Variants in ENTPD4 observed in about 807,000 individuals in gnomAD.
The protein encoded by ENTPD4 is Golgi UDPase.
In ENTPD4, 60 loss-of-function variants were observed where a neutral mutation model predicts 79.1. That is an observed-to-expected ratio of 0.76 (90% CI 0.62 to 0.94). ENTPD4 has a LOEUF of 0.94. Ranked by LOEUF, ENTPD4 falls within the 40% of genes least tolerant of loss-of-function variation. The pLI is 0.00. For synonymous variants in ENTPD4, 276 were observed against 292.0 expected (o/e 0.95, Z 0.56); for missense variants, 772 against 775.1 (o/e 1.00, Z 0.05).
At chr8:23,454,001 G>C (rs915943605) in intron 1 of ENTPD4, among the ~76,000 whole-genome samples, 1 of 152,172 alleles carries the variant, frequency 6.6e-6, no homozygotes, top group Non-Finnish European at 1.5e-5. Flanking sequence ...CCCCATGCAT[G>C]GGGGGATAAA....
rs776311384 is a variant in ENTPD4, at chr8:23,449,922, C to T, written c.-22G>A. On this transcript the variant is annotated 5_prime_UTR_variant, in exon 2 of 13. Coordinates refer to ENST00000358689, the MANE Select transcript of ENTPD4 (RefSeq NM_004901.5). ...CCATACTGAAAGGTCAGCAACAAGGCAATGCTCTGGGATTCAGTCCTTCTC... is the reference window on the plus strand; with the variant it reads ...CCATACTGAAAGGTCAGCAACAAGGTAATGCTCTGGGATTCAGTCCTTCTC... 6 of 1,614,058 alleles carry T rather than the reference C, an allele frequency of 3.7e-6. No homozygotes were observed. The highest frequency in any genetic ancestry group is 1.6e-4 in the Middle Eastern group (1 of 6,062).
At position 23,437,101 on chromosome 8, in the gene ENTPD4, T is replaced by C. The variant is rs1264240013; in HGVS notation, c.1207A>G (p.Met403Val). Reference sequence around the variant, plus strand: ...GTCTGGGTCTCGTTTGTTTTATTCATGAAAGGCTGGATAGTCTCTCGACAC... The same window carrying C: ...GTCTGGGTCTCGTTTGTTTTATTCACGAAAGGCTGGATAGTCTCTCGACAC... ...DLCRETIQPF[M>V]NKTNETQTSL... Residue 403 changes from methionine (M) to valine (V), a missense_variant, in exon 10 of 13, where the codon ATG (methionine) becomes GTG (valine). Met to Val is a conservative substitution (Grantham distance 21). Transcript: ENST00000358689. 1.2e-6 allele frequency: 2 copies of C among 1,614,238 alleles called. No individual in the cohort carries two copies. Among genetic ancestry groups the C allele is most frequent in the Admixed American group, 3.3e-5 (2 of 60,036 alleles).
Position 23,452,048 on chromosome 8 carries a change from T to C in ENTPD4, c.-97-2051A>G, listed in dbSNP as rs1019044660. ...CAGATACTATTATCACAACACTTTA[T>C]GGATGAGGCAGAGAGGCTAAGTAAC... On this transcript the variant is annotated intron_variant, in intron 1 of 12. Coordinates refer to ENST00000358689, the MANE Select transcript of ENTPD4 (RefSeq NM_004901.5). Among the ~76,000 whole-genome samples, 17 of 152,364 alleles carry C rather than the reference T, an allele frequency of 1.1e-4. 1 individual carries two copies. The highest frequency in any genetic ancestry group is 3.6e-4 in the African/African-American group (15 of 41,582).
In ENTPD4 at chr8:23,432,412, G is replaced by A. The variant is rs936945732; in HGVS notation, c.*514C>T. On this transcript the variant is annotated 3_prime_UTR_variant, in exon 13 of 13. Coordinates refer to ENST00000358689, the MANE Select transcript of ENTPD4 (RefSeq NM_004901.5). ...AGATATCCTGTGCAGCAAAAATCAA[G>A]TGAATTTCCCTCTTCCCCACTCCTC... The A allele has an allele frequency of 1.8e-5, 18 of 985,564 alleles. No homozygotes were observed. The highest frequency in any genetic ancestry group is 1.9e-5 in the Non-Finnish European group (16 of 830,200). 61.1% of individuals were successfully genotyped at this position (985,564 alleles called of 1,614,324 possible).
chr8:23,430,215 C>T lies in ENTPD4; in HGVS notation c.*2711G>A. ...GAGACCTTCTCTGGAATGTGATTTG[C>T]TGCGACTGCAGACATCTCCATACGG... On this transcript the variant is annotated 3_prime_UTR_variant, in exon 13 of 13. Coordinates refer to ENST00000358689, the MANE Select transcript of ENTPD4 (RefSeq NM_004901.5). 1 of 985,466 alleles carries T rather than the reference C, an allele frequency of 1.0e-6. No homozygotes were observed. The highest frequency in any genetic ancestry group is 4.7e-5 in the South Asian group (1 of 21,292). The allele number at this position is 985,466 out of a possible 1,614,324, so 61.0% of individuals were successfully genotyped here. A position where few individuals can be genotyped will look rare whatever the true frequency, so the allele number is the denominator to read the frequency against.
Position 23,430,739 on chromosome 8 carries a change from G to C in ENTPD4, c.*2187C>G. 1 of 985,510 alleles carries C rather than the reference G, an allele frequency of 1.0e-6. No homozygotes were observed. Among genetic ancestry groups the C allele is most frequent in the East Asian group, 1.1e-4 (1 of 8,812 alleles). The allele number at this position is 985,510 out of a possible 1,614,324, so 61.0% of individuals were successfully genotyped here. A position where few individuals can be genotyped will look rare whatever the true frequency, so the allele number is the denominator to read the frequency against. Reference sequence around the variant, plus strand: ...AAGGCGGGGTCCCCTAACTCCCTGGGTGCCCACCTGCCCACTTCAACCATT... The same window carrying C: ...AAGGCGGGGTCCCCTAACTCCCTGGCTGCCCACCTGCCCACTTCAACCATT... On this transcript the variant is annotated 3_prime_UTR_variant, in exon 13 of 13. Transcript: ENST00000358689.
rs528450127 is a variant in ENTPD4 at position 23,432,291 on chromosome 8, C to T, written c.*635G>A. On this transcript the variant is annotated 3_prime_UTR_variant, in exon 13 of 13. Transcript: ENST00000358689. The stretch of plus-strand genomic sequence containing the variant: ...CACTATTCAGTCCCCTCTCCACTGA[C>T]AGAATGCATCTTTCCACCTCCCTCC... 9 of 985,384 alleles carry T rather than the reference C, an allele frequency of 9.1e-6. No individual in the cohort carries two copies. The highest frequency in any genetic ancestry group is 1.7e-5 in the African/African-American group (1 of 57,340). 61.0% of individuals were successfully genotyped at this position (985,384 alleles called of 1,614,324 possible).
At position 23,441,523 on chromosome 8, in the gene ENTPD4, A is replaced by G. The variant is rs1800669676; in HGVS notation, c.882+46T>C. On this transcript the variant is annotated intron_variant, in intron 8 of 12. Transcript: ENST00000358689. The stretch of plus-strand genomic sequence containing the variant: ...AAAACAAGAACGATGGACACACGTT[A>G]AATGAAAACCAAACCAAACAGAAGG... 5 of 1,602,410 alleles carry G rather than the reference A, an allele frequency of 3.1e-6. No individual in the cohort carries two copies. The South Asian group carries it at 4.4e-5, about 14-fold the overall frequency.
chr8:23,441,367 A>G, intron 8 of ENTPD4: 1 of 973,818 alleles, frequency 1.0e-6, no homozygotes, highest in Non-Finnish European at 1.2e-6. Context: ...CAGAAAACAA[A>G]CCAGCTGATT....
chr8:23,454,966 T>C (rs1453637067), intron 1 of ENTPD4, among the ~76,000 whole-genome samples: 2 of 152,328 alleles, frequency 1.3e-5, no homozygotes, highest in Middle Eastern at 3.4e-3. Context: ...AATTCAGTAA[T>C]ACCACATAAA....
chr8:23,450,569 C>G (rs1036602946), intron 1 of ENTPD4, among the ~76,000 whole-genome samples: 1 of 152,220 alleles, frequency 6.6e-6, no homozygotes, highest in African/African-American at 2.4e-5. Flanking sequence ...CTCGGTCTCA[C>G]AAAGCTGCTT....
intron 6 of ENTPD4, among the ~76,000 whole-genome samples, chr8:23,443,334 C>T (rs1800706732): frequency 6.6e-6 from 1 of 152,194 alleles, no homozygotes; most frequent in Non-Finnish European, 1.5e-5. Flanking sequence ...TCTCTACAGT[C>T]TCTTTCACAT....
chr8:23,435,693 G>T (rs892965820), intron 10 of ENTPD4, among the ~76,000 whole-genome samples: 1 of 152,158 alleles, frequency 6.6e-6, no homozygotes, highest in Non-Finnish European at 1.5e-5. Flanking sequence ...TCTGTCCAGG[G>T]TATTGTTAAA....
intron 12 of ENTPD4, 168 bp downstream of exon 12, chr8:23,434,149 C>T: frequency 3.8e-6 from 3 of 786,580 alleles, no homozygotes; most frequent in East Asian, 5.1e-5. Context: ...GGAGGAAGCA[C>T]TTGTGGGGAG....
At position 23,430,948 on chromosome 8, in the gene ENTPD4, G is replaced by A. The variant is rs914350080; in HGVS notation, c.*1978C>T. 8.1e-6 allele frequency: 8 copies of A among 985,290 alleles called. No homozygotes were observed. The South Asian group carries it at 2.8e-4, about 35-fold the overall frequency. 61.0% of individuals were successfully genotyped at this position (985,290 alleles called of 1,614,324 possible). A position where few individuals can be genotyped will look rare whatever the true frequency, so the allele number is the denominator to read the frequency against. ...TTCTTAACAACTTTGACCACGAAGC[G>A]CAAATACGATGCAGGTAAATCCAGA... On this transcript the variant is annotated 3_prime_UTR_variant, in exon 13 of 13. Coordinates refer to ENST00000358689, the MANE Select transcript of ENTPD4 (RefSeq NM_004901.5).
intron 1 of ENTPD4, among the ~76,000 whole-genome samples, chr8:23,456,623 GAAAT>G (rs1179624636): frequency 1.3e-5 from 2 of 152,158 alleles, no homozygotes. Flanking sequence ...GGTAAACAGA[GAAAT>G]AAACGATTCA....
chr8:23,448,337 C>T (rs1311206920), intron 3 of ENTPD4, among the ~76,000 whole-genome samples: 6 of 152,230 alleles, frequency 3.9e-5, no homozygotes, highest in East Asian at 1.9e-4. Flanking sequence ...TAAAGCCAAA[C>T]GTCGTGAAGC....
intron 4 of ENTPD4, among the ~76,000 whole-genome samples, chr8:23,446,807 T>C (rs1465627218): frequency 1.3e-5 from 2 of 152,250 alleles, no homozygotes; most frequent in Non-Finnish European, 2.9e-5. Flanking sequence ...GAATATTCTT[T>C]TAAATTTTAT....
chr8:23,443,577 C>T (rs1022776907), intron 6 of ENTPD4, among the ~76,000 whole-genome samples: 5 of 152,198 alleles, frequency 3.3e-5, no homozygotes, highest in East Asian at 1.9e-4. Flanking sequence ...TTAGGCAAGG[C>T]ACACAAGCCT....
Sources: gnomAD v4.1 joint callset for allele counts (sites outside exome capture counted in the v4.1 genomes callset) on GRCh38, gnomAD v4.1.1 for gene constraint, MANE v1.5 for transcripts, NCBI Gene and HGNC (gene_info 2026-07-23, HGNC 2026-07-21) for gene names.